Variants in PTPRN2 observed in about 807,000 individuals in gnomAD.
PTPRN2 encodes the protein protein tyrosine phosphatase receptor type N2.
Under a neutral mutation model 118.8 loss-of-function variants are expected in PTPRN2, and 74 were observed. The ratio of observed to expected loss-of-function variants is 0.62; its 90% confidence interval spans 0.52 to 0.76. The LOEUF (loss-of-function observed/expected upper bound fraction) is 0.76. Ranked by LOEUF, PTPRN2 falls within the 30% of genes least tolerant of loss-of-function variation. The probability of loss-of-function intolerance (pLI) is 0.00; values close to 1 mark genes in which losing one functional copy is unlikely to be tolerated. For synonymous variants in PTPRN2, 641 were observed against 608.0 expected, an observed-to-expected ratio of 1.05 and a Z score of -0.80; for missense variants, 1,481 against 1,394.4, an observed-to-expected ratio of 1.06 and a Z score of -0.99.
intron 5 of PTPRN2, among the ~76,000 whole-genome samples, chr7:158,174,164 A>G (rs987928080): frequency 6.6e-6 from 1 of 152,216 alleles, no homozygotes; most frequent in Non-Finnish European, 1.5e-5. Context: ...AGAAATTATG[A>G]AAGTACTAAT....
chr7:157,794,174 C>T lies in PTPRN2; in HGVS notation c.1788+104499G>A, dbSNP rs1000580719. On this transcript the variant is annotated intron_variant, in intron 12 of 22. Transcript: ENST00000389418. The surrounding 1 kb of genome is among the most constrained non-coding windows in gnomAD (Gnocchi z 5.2). ...TCTGACCCGGGCTCGCACCTCTCCT[C>T]GTTCTCTGCCCTGACCCGGGATCAC... Among the ~76,000 whole-genome samples the T allele has an allele frequency of 1.2e-4, 18 of 149,860 alleles. 1 individual carries two copies. The highest frequency in any genetic ancestry group is 4.6e-4 in the African/African-American group (18 of 39,516).
At chr7:158,077,377 C>T (rs925804532) in intron 11 of PTPRN2, among the ~76,000 whole-genome samples, 18 of 152,154 alleles carry the variant, frequency 1.2e-4, no homozygotes, top group Non-Finnish European at 1.6e-4. Context: ...ACAGAGGCGC[C>T]GCTACTGAAA....
intron 12 of PTPRN2, among the ~76,000 whole-genome samples, chr7:157,896,664 G>A (rs981353402): frequency 6.6e-6 from 1 of 151,668 alleles, no homozygotes; most frequent in Non-Finnish European, 1.5e-5. Flanking sequence ...GTTGTGAGTG[G>A]GCAGCCGGGG....
rs554848634 is a variant in PTPRN2, at chr7:158,158,329, G to A, written c.910+8602C>T. ...CCTGAGACTGGGCTGCGGGGAACAC[G>A]CCCTTCTCTGTGAGGGTTTTCAGGC... is the stretch of plus-strand genomic sequence containing the variant. On this transcript the variant is annotated intron_variant, in intron 6 of 22. Coordinates refer to ENST00000389418, the MANE Select transcript of PTPRN2 (RefSeq NM_002847.5). Among the ~76,000 whole-genome samples the A allele has an allele frequency of 3.3e-5, 5 of 152,346 alleles. No individual in the cohort carries two copies. The South Asian group carries it at 8.3e-4, about 25-fold the overall frequency.
Position 157,674,417 on chromosome 7 carries a change from C to T in PTPRN2, c.2001+8308G>A, listed in dbSNP as rs943121186. ...TGACTTTCATCTGCTGGGTCCTCCT[C>T]GGTTTGACGTGCAATTGCTTTTCCC... On this transcript the variant is annotated intron_variant, in intron 13 of 22. Coordinates refer to ENST00000389418, the MANE Select transcript of PTPRN2 (RefSeq NM_002847.5). The surrounding 1 kb of genome is among the most constrained non-coding windows in gnomAD (Gnocchi z 4.5). Among the ~76,000 whole-genome samples the T allele has an allele frequency of 1.5e-4, 23 of 152,194 alleles. No individual in the cohort carries two copies. Among genetic ancestry groups the T allele is most frequent in the African/African-American group, 3.9e-4 (16 of 41,448 alleles).
rs1381669326 is a variant in PTPRN2 at position 158,517,924 on chromosome 7, C to T, written c.113-28139G>A. On this transcript the variant is annotated intron_variant, in intron 1 of 22. Transcript: ENST00000389418. The surrounding 1 kb of genome is among the most constrained non-coding windows in gnomAD (Gnocchi z 5.3). ...CCCCCCAGTCTGACTAGAGTCCACT[C>T]ATTTTTCAGGTACCAAGTTGCACCT... Among the ~76,000 whole-genome samples the T allele has an allele frequency of 6.6e-6, 1 of 152,212 alleles. No homozygotes were observed. Among genetic ancestry groups the T allele is most frequent in the Non-Finnish European group, 1.5e-5 (1 of 68,034 alleles).
At chr7:158,163,361 G>A (rs1409866766) in intron 6 of PTPRN2, among the ~76,000 whole-genome samples, 1 of 148,196 alleles carries the variant, frequency 6.7e-6, no homozygotes, top group Non-Finnish European at 1.5e-5. Flanking sequence ...GCCTGTACGG[G>A]GTTCTCAATA....
chr7:158,376,116 T>C (rs1026605421), intron 2 of PTPRN2, among the ~76,000 whole-genome samples: 4 of 152,170 alleles, frequency 2.6e-5, no homozygotes, highest in Non-Finnish European at 5.9e-5. Flanking sequence ...CACCCCTGGA[T>C]GCTACTGCAG....
chr7:158,260,527 C>T (rs1244007339), intron 3 of PTPRN2, among the ~76,000 whole-genome samples: 1 of 152,090 alleles, frequency 6.6e-6, no homozygotes, highest in East Asian at 1.9e-4. Flanking sequence ...TGAATAAAGC[C>T]CAGAGGGCCT....
intron 9 of PTPRN2, among the ~76,000 whole-genome samples, chr7:158,116,529 C>A (rs1349883202): frequency 6.6e-6 from 1 of 152,260 alleles, no homozygotes; most frequent in Non-Finnish European, 1.5e-5. Flanking sequence ...GCAGCCTGCA[C>A]ACACTGGCAG....
intron 11 of PTPRN2, among the ~76,000 whole-genome samples, chr7:158,042,057 A>C (rs1808507495): frequency 6.6e-6 from 1 of 152,254 alleles, no homozygotes; most frequent in Admixed American, 6.5e-5. Context: ...AAGAACGATC[A>C]CAGGCCCAGT....
chr7:157,905,538 C>T (rs1029626808), intron 11 of PTPRN2, among the ~76,000 whole-genome samples: 2 of 152,256 alleles, frequency 1.3e-5, no homozygotes, highest in Admixed American at 6.5e-5. Flanking sequence ...CCTGAAGAAG[C>T]GGAACCCTAT....
At position 157,540,777 on chromosome 7, in the gene PTPRN2, A is replaced by G. The variant is rs763716187; in HGVS notation, c.2985T>C (p.Phe995=). 6.4e-6 allele frequency: 10 copies of G among 1,565,494 alleles called. No individual in the cohort carries two copies. The Admixed American group carries it at 7.5e-5, about 12-fold the overall frequency. ...RPGMVQTKEQ[F]EFALTAVAEE... ...CAGCCACGGCTGTCAGCGCGAACTC[A>G]AACTGCTCCTGCAGGGCGAGAAACG... is the stretch of plus-strand genomic sequence containing the variant. The change falls in exon 23 of 23, where the codon TTT becomes TTC. Residue 995 remains phenylalanine (F), a synonymous_variant. Coordinates refer to ENST00000389418, the MANE Select transcript of PTPRN2 (RefSeq NM_002847.5).
At chr7:158,026,761 C>CTTCCACATCAGA (rs1367858724) in intron 11 of PTPRN2, among the ~76,000 whole-genome samples, 1 of 152,160 alleles carries the variant, frequency 6.6e-6, no homozygotes, top group Admixed American at 6.5e-5. Flanking sequence ...GTACAGGACA[C>CTTCCACATCAGA]CGGGAGGAAG....
At chr7:158,273,400 G>A (rs551183834) in intron 3 of PTPRN2, among the ~76,000 whole-genome samples, 9 of 143,954 alleles carry the variant, frequency 6.3e-5, no homozygotes, top group South Asian at 2.2e-4. Flanking sequence ...ATGCAGACAC[G>A]GGAGGAGCCG....
intron 12 of PTPRN2, among the ~76,000 whole-genome samples, chr7:157,847,946 T>C (rs909691493): frequency 6.6e-5 from 10 of 151,420 alleles, no homozygotes; most frequent in Non-Finnish European, 1.5e-4. Flanking sequence ...CAGAGCCCTC[T>C]CTCACTCCAT....
intron 2 of PTPRN2, among the ~76,000 whole-genome samples, chr7:158,373,535 G>A (rs58048499): frequency 0.15 from 22,374 of 152,192 alleles, 1,849 homozygotes; most frequent in Admixed American, 0.24. Flanking sequence ...GGGTTCCTTT[G>A]CTTAATCTCT....
intron 3 of PTPRN2, among the ~76,000 whole-genome samples, chr7:158,250,599 A>C (rs1796593386): frequency 6.6e-6 from 1 of 152,124 alleles, no homozygotes; most frequent in African/African-American, 2.4e-5. Context: ...ACACAGAAAC[A>C]GAAGTGATAG....
chr7:157,738,655 A>G (rs924664292), intron 12 of PTPRN2, among the ~76,000 whole-genome samples: 1 of 152,266 alleles, frequency 6.6e-6, no homozygotes, highest in Non-Finnish European at 1.5e-5. Context: ...TGAAGTCGTC[A>G]TCACGGCTCA....
Sources: gnomAD v4.1 joint callset for allele counts (sites outside exome capture counted in the v4.1 genomes callset) on GRCh38, gnomAD v4.1.1 for gene constraint, Gnocchi (gnomAD v3.1) non-coding constraint, MANE v1.5 for transcripts, NCBI Gene and HGNC (gene_info 2026-07-23, HGNC 2026-07-21) for gene names.